Variants in TRIM24 observed in about 807,000 individuals in gnomAD.
The protein encoded by TRIM24 is tripartite motif containing 24, also known as transcription intermediary factor 1-alpha.
A neutral mutation model predicts 123.9 loss-of-function variants in TRIM24; 29 were observed. The observed-to-expected ratio is 0.23, with a 90% CI of 0.17 to 0.32. TRIM24 has a LOEUF of 0.32. Ranked by LOEUF, TRIM24 falls within the 10% of genes least tolerant of loss-of-function variation. TRIM24 has a pLI of 1.00. For synonymous variants in TRIM24, 456 were observed against 461.1 expected, an observed-to-expected ratio of 0.99 and a Z score of 0.14; for missense variants, 932 against 1,295.3, an observed-to-expected ratio of 0.72 and a Z score of 4.31.
At chr7:138,549,066 CAT>C (rs1797159505) in intron 7 of TRIM24, among the ~76,000 whole-genome samples, 1 of 152,116 alleles carries the variant, frequency 6.6e-6, no homozygotes, top group Non-Finnish European at 1.5e-5. Flanking sequence ...AAACCAGTAA[CAT>C]AGTCATTTAT....
chr7:138,529,985 T>G (rs1796695787), intron 6 of TRIM24, among the ~76,000 whole-genome samples: 1 of 152,148 alleles, frequency 6.6e-6, no homozygotes, highest in South Asian at 2.1e-4. Flanking sequence ...AAATAAGACT[T>G]CTAGAAATAA....
intron 3 of TRIM24, among the ~76,000 whole-genome samples, chr7:138,516,577 A>G (rs1584713336): frequency 6.6e-6 from 1 of 152,000 alleles, no homozygotes. Context: ...CTGGTCTCGA[A>G]CTCCTGACCT....
chr7:138,574,981 A>G (rs1234467146), intron 12 of TRIM24, among the ~76,000 whole-genome samples: 4 of 152,162 alleles, frequency 2.6e-5, no homozygotes, highest in Non-Finnish European at 5.9e-5. Context: ...TAAAATTTTG[A>G]AGCAGTGCCC....
chr7:138,463,988 A>ATTTTT (rs1359459460), intron 1 of TRIM24, among the ~76,000 whole-genome samples: 1 of 32,112 alleles, frequency 3.1e-5, no homozygotes, highest in Admixed American at 3.5e-4. Context: ...AAAAATTTAG[A>ATTTTT]CTTTTTTTTT....
In TRIM24 at chr7:138,577,477, C is replaced by A; in HGVS notation, c.2145C>A (p.Val715=). The A allele has an allele frequency of 6.2e-7, 1 of 1,608,708 alleles. No individual in the cohort carries two copies. The highest frequency in any genetic ancestry group is 1.1e-5 in the South Asian group (1 of 90,298). ...GADSTHKVPV[V]MLEPIRIKQE... ...ACTCTACACACAAAGTCCCAGTGGT[C>A]ATGCTGGAGCCAATTCGAATAAAAC... The change falls in exon 14 of 19, where the codon GTC becomes GTA. Residue 715 remains valine, a synonymous_variant. Coordinates refer to ENST00000343526, the MANE Select transcript of TRIM24 (RefSeq NM_015905.3).
intron 9 of TRIM24, among the ~76,000 whole-genome samples, chr7:138,557,298 T>G (rs187495155): frequency 6.6e-6 from 1 of 152,286 alleles, no homozygotes; most frequent in African/African-American, 2.4e-5. Flanking sequence ...CATTCCCCCC[T>G]TTGATGCTCC....
chr7:138,565,085 T>G (rs569978098), intron 9 of TRIM24, among the ~76,000 whole-genome samples: 98 of 152,226 alleles, frequency 6.4e-4, no homozygotes, highest in Non-Finnish European at 1.1e-3. Flanking sequence ...CATGGTTCTC[T>G]CAGAGTGTAT....
chr7:138,502,463 A>G (rs1246140615), intron 1 of TRIM24, among the ~76,000 whole-genome samples: 1 of 152,252 alleles, frequency 6.6e-6, no homozygotes, highest in Admixed American at 6.5e-5. Flanking sequence ...TAGGAGTTAC[A>G]GAGCAATCAA....
chr7:138,515,145 G>A (rs907117760), intron 2 of TRIM24, 67 bp from the exon 3 acceptor site: 14 of 1,517,038 alleles, frequency 9.2e-6, no homozygotes, highest in South Asian at 3.8e-5. Context: ...TATCATGTAC[G>A]CATAGCTCGA....
At chr7:138,558,088 G>T (rs549383409) in intron 9 of TRIM24, among the ~76,000 whole-genome samples, 1 of 152,188 alleles carries the variant, frequency 6.6e-6, no homozygotes, top group East Asian at 1.9e-4. Context: ...ATTGTCCCTA[G>T]TACACAGGCC....
chr7:138,525,504 T>C (rs995515331), intron 5 of TRIM24, 147 bp downstream of exon 5: 5 of 404,018 alleles, frequency 1.2e-5, no homozygotes, highest in Non-Finnish European at 2.2e-5. Context: ...AGAAACTTAG[T>C]TGGAAAGCAT....
chr7:138,546,459 A>G (rs566272936), intron 7 of TRIM24, among the ~76,000 whole-genome samples: 1 of 152,320 alleles, frequency 6.6e-6, no homozygotes, highest in Admixed American at 6.5e-5. Context: ...TTTAAACTGG[A>G]TGGCTGTGTT....
chr7:138,511,659 T>C (rs1055277601), intron 2 of TRIM24, among the ~76,000 whole-genome samples: 5 of 152,114 alleles, frequency 3.3e-5, no homozygotes, highest in African/African-American at 1.2e-4. Context: ...CCAAGGAGGA[T>C]ATCCACCCCC....
At chr7:138,576,224 G>GACC in intron 12 of TRIM24, 149 bp from the exon 13 acceptor site, 1 of 714,514 alleles carries the variant, frequency 1.4e-6, no homozygotes, top group Non-Finnish European at 2.4e-6. Flanking sequence ...GGCTGTAACA[G>GACC]ACTGCTGAAA....
At chr7:138,583,455 A>G (rs1179246794) in intron 17 of TRIM24, among the ~76,000 whole-genome samples, 1 of 152,158 alleles carries the variant, frequency 6.6e-6, no homozygotes, top group East Asian at 1.9e-4. Flanking sequence ...CCCCATCTCT[A>G]CAAAAAATAC....
intron 6 of TRIM24, among the ~76,000 whole-genome samples, chr7:138,532,167 C>T (rs527806718): frequency 0.01 from 1,493 of 149,194 alleles, 24 homozygotes; most frequent in African/African-American, 0.035. Flanking sequence ...CTGTAGGTTG[C>T]CTGTTCACTC....
chr7:138,510,330 A>G (rs1424908601), intron 2 of TRIM24, among the ~76,000 whole-genome samples: 4 of 152,252 alleles, frequency 2.6e-5, no homozygotes, highest in African/African-American at 9.6e-5. Flanking sequence ...GTTTGTATCA[A>G]AACAGAAAGC....
At chr7:138,501,550 TATG>T (rs956219617) in intron 1 of TRIM24, among the ~76,000 whole-genome samples, 1 of 152,072 alleles carries the variant, frequency 6.6e-6, no homozygotes, top group African/African-American at 2.4e-5. Flanking sequence ...ATTATAATTT[TATG>T]ATACCACTGA....
intron 11 of TRIM24, among the ~76,000 whole-genome samples, chr7:138,571,997 C>A (rs1038027957): frequency 6.6e-6 from 1 of 152,112 alleles, no homozygotes; most frequent in African/African-American, 2.4e-5. Context: ...CATATACATA[C>A]GCACCTAATG....
Sources: allele counts gnomAD v4.1 joint callset (sites outside exome capture counted in the v4.1 genomes callset), GRCh38; gene constraint gnomAD v4.1.1; transcripts MANE v1.5; gene names NCBI Gene and HGNC (gene_info 2026-07-23, HGNC 2026-07-21).